Variants in ZNF680 observed in about 807,000 individuals in gnomAD.
ZNF680 encodes hypothetical protein FLJ90430.
Under a neutral mutation model 12.1 loss-of-function variants are expected in ZNF680, and 6 were observed. The observed-to-expected ratio is 0.49, with a 90% CI of 0.27 to 0.98. The LOEUF (loss-of-function observed/expected upper bound fraction) is 0.98. Among genes scored for constraint, ZNF680 ranks in the 50% least tolerant of loss-of-function variants. The probability of loss-of-function intolerance (pLI) is 0.12; values close to 1 mark genes in which losing one functional copy is unlikely to be tolerated. For synonymous variants in ZNF680, 170 were observed against 199.3 expected (o/e 0.85, Z 1.24); for missense variants, 561 against 616.3 (o/e 0.91, Z 0.95).
At chr7:64,553,997 C>G (rs1282700936) in intron 1 of ZNF680, among the ~76,000 whole-genome samples, 3 of 151,984 alleles carry the variant, frequency 2.0e-5, no homozygotes, top group Non-Finnish European at 2.9e-5. Flanking sequence ...AGCCTCTGCC[C>G]GGCCGCCACC....
At chr7:64,509,101 GA>G in the ZNF680 span, among the ~76,000 whole-genome samples, 5 of 152,208 alleles carry the variant, frequency 3.3e-5, no homozygotes, top group African/African-American at 1.2e-4. Context: ...TTGAACAGTT[GA>G]TTTTCTTATG....
At chr7:64,524,098 A>T (rs550900762) in intron 3 of ZNF680, among the ~76,000 whole-genome samples, 1 of 152,170 alleles carries the variant, frequency 6.6e-6, no homozygotes, top group East Asian at 1.9e-4. Context: ...AAAAACTGTC[A>T]TATTTTATGA....
intron 3 of ZNF680, among the ~76,000 whole-genome samples, chr7:64,532,185 G>A (rs1179266762): frequency 5.9e-5 from 9 of 151,620 alleles, no homozygotes; most frequent in Non-Finnish European, 1.2e-4. Context: ...GGCACCTGTC[G>A]TCCCAGCTAC....
At chr7:64,535,871 G>T (rs1018527356) in intron 3 of ZNF680, among the ~76,000 whole-genome samples, 2 of 152,018 alleles carry the variant, frequency 1.3e-5, no homozygotes, top group Admixed American at 6.6e-5. Flanking sequence ...TTGAACTCGG[G>T]AGGCAGAGGT....
At chr7:64,553,910 G>A (rs950229605) in intron 1 of ZNF680, among the ~76,000 whole-genome samples, 5 of 152,176 alleles carry the variant, frequency 3.3e-5, no homozygotes, top group African/African-American at 1.2e-4. Flanking sequence ...AGGCTGGAGT[G>A]CAGTGGCGTG....
At chr7:64,531,248 A>T (rs1011526126) in intron 3 of ZNF680, among the ~76,000 whole-genome samples, 2 of 152,162 alleles carry the variant, frequency 1.3e-5, no homozygotes, top group Non-Finnish European at 2.9e-5. Flanking sequence ...AAGCCTCAAT[A>T]AGTTAAAGAA....
At chr7:64,515,779 T>C (rs536406473), downstream of ZNF680, among the ~76,000 whole-genome samples, 1 of 152,252 alleles carries the variant, frequency 6.6e-6, no homozygotes, top group South Asian at 2.1e-4. Context: ...AAAAAGTTTC[T>C]TCTCCTTTTG....
intron 1 of ZNF680, 56 bp from the exon 2 acceptor site, chr7:64,544,488 T>A: frequency 6.4e-7 from 1 of 1,562,218 alleles, no homozygotes; most frequent in South Asian, 1.1e-5. Flanking sequence ...ATTTACTAAA[T>A]GACCATGGGC....
the ZNF680 span, among the ~76,000 whole-genome samples, chr7:64,511,697 G>GA: frequency 1.3e-5 from 2 of 151,472 alleles, no homozygotes; most frequent in African/African-American, 4.9e-5. Context: ...TGCAAACTAG[G>GA]AAAAAAATGG....
At chr7:64,562,668 G>A (rs1021467539) in intron 1 of ZNF680, among the ~76,000 whole-genome samples, 1 of 152,262 alleles carries the variant, frequency 6.6e-6, no homozygotes, top group Non-Finnish European at 1.5e-5. Flanking sequence ...GGCACTGCGG[G>A]TGCAGAGCTG....
the ZNF680 span, chr7:64,501,104 AAGC>A: frequency 1.0e-6 from 1 of 977,378 alleles, no homozygotes; most frequent in Non-Finnish European, 1.6e-6. Flanking sequence ...AACGGAGGAA[AAGC>A]AGGTGTGAAA....
intron 3 of ZNF680, among the ~76,000 whole-genome samples, chr7:64,532,517 T>G (rs1427673715): frequency 6.6e-6 from 1 of 151,022 alleles, no homozygotes; most frequent in Non-Finnish European, 1.5e-5. Context: ...GCAAGTAGCT[T>G]TTAAAATGGT....
Position 64,520,118 on chromosome 7 carries a change from A to C in ZNF680, c.*1043T>G, listed in dbSNP as rs534860877. 1 of 151,724 alleles carries C rather than the reference A, an allele frequency of 6.6e-6. No individual in the cohort carries two copies. Among genetic ancestry groups the C allele is most frequent in the African/African-American group, 2.4e-5 (1 of 41,426 alleles). The allele number at this position is 151,724 out of a possible 1,614,324, so 9.4% of individuals were successfully genotyped here. ...GTAAACTAACAGGGCCTCTCCACTT[A>C]GATTTTCATCATAAACCTTACATTT... On this transcript the variant is annotated 3_prime_UTR_variant, in exon 4 of 4. Transcript: ENST00000309683.
intron 1 of ZNF680, among the ~76,000 whole-genome samples, chr7:64,546,322 C>G (rs1786784795): frequency 6.6e-6 from 1 of 152,110 alleles, no homozygotes; most frequent in Non-Finnish European, 1.5e-5. Context: ...GTCAGCACCC[C>G]CTGTTTACCT....
At chr7:64,554,426 A>G (rs1279510109) in intron 1 of ZNF680, among the ~76,000 whole-genome samples, 1 of 138,208 alleles carries the variant, frequency 7.2e-6, no homozygotes, top group Non-Finnish European at 1.6e-5. Context: ...GGCAGCCCCC[A>G]CCCGGCCGCT....
rs1008119223 is a variant in ZNF680 at position 64,520,106 on chromosome 7, G to A, written c.*1055C>T. On this transcript the variant is annotated 3_prime_UTR_variant, in exon 4 of 4. Coordinates refer to ENST00000309683, the MANE Select transcript of ZNF680 (RefSeq NM_178558.5). ...TCAATATGAAAAGTAAACTAACAGG[G>A]CCTCTCCACTTAGATTTTCATCATA... is the stretch of plus-strand genomic sequence containing the variant. The A allele has an allele frequency of 2.0e-5, 3 of 151,420 alleles. No individual in the cohort carries two copies. The highest frequency in any genetic ancestry group is 4.2e-4 in the South Asian group (2 of 4,812). The allele number at this position is 151,420 out of a possible 1,614,324, so 9.4% of individuals were successfully genotyped here.
In ZNF680 at chr7:64,532,551, A is replaced by T. The variant is rs1236442392; in HGVS notation, c.254-10051T>A. Among the ~76,000 whole-genome samples the T allele has an allele frequency of 2.7e-5, 4 of 149,330 alleles. No homozygotes were observed. The Admixed American group carries it at 2.7e-4, about 10-fold the overall frequency. ...GTAATTTTAGAATTACCAACAAAAA[A>T]AGTCCAAGACCAGACAGATTCACAG... On this transcript the variant is annotated intron_variant, in intron 3 of 3. Coordinates refer to ENST00000309683, the MANE Select transcript of ZNF680 (RefSeq NM_178558.5).
the ZNF680 span, among the ~76,000 whole-genome samples, chr7:64,509,048 T>G: frequency 6.6e-6 from 1 of 152,130 alleles, no homozygotes; most frequent in East Asian, 1.9e-4. Flanking sequence ...CCTCTCCATT[T>G]GTTTCTTCCC....
intron 3 of ZNF680, chr7:64,525,104 T>G (rs1212161053): frequency 6.6e-6 from 1 of 151,332 alleles, no homozygotes; most frequent in South Asian, 2.1e-4. Flanking sequence ...TGCAATAAAA[T>G]AAACAATTTT....
Sources: allele counts gnomAD v4.1 joint callset (sites outside exome capture counted in the v4.1 genomes callset), GRCh38; gene constraint gnomAD v4.1.1; transcripts MANE v1.5; gene names NCBI Gene and HGNC (gene_info 2026-07-23, HGNC 2026-07-21).